PTPRD: variants seen among roughly 807,000 people sequenced by gnomAD.
PTPRD encodes the protein protein tyrosine phosphatase receptor type D.
PTPRD carries 34 observed loss-of-function variants against 214.5 expected under a neutral mutation model. The ratio of observed to expected loss-of-function variants is 0.16; its 90% CI spans 0.12 to 0.21. The LOEUF (loss-of-function observed/expected upper bound fraction) is 0.21. PTPRD is among the 10% of genes least tolerant of loss of function. The pLI, the probability that PTPRD is intolerant of heterozygous loss-of-function variation, is 1.00. For synonymous variants in PTPRD, 1,128 were observed against 845.7 expected (o/e 1.33, Z -5.79); for missense variants, 2,545 against 2,398.7 (o/e 1.06, Z -1.27).
chr9:8,875,421 A>AC (rs756864441), intron 11 of PTPRD, among the ~76,000 whole-genome samples: 3 of 152,182 alleles, frequency 2.0e-5, no homozygotes, highest in Non-Finnish European at 4.4e-5. Flanking sequence ...CCAGCTACAA[A>AC]CCAGGAAATT....
intron 9 of PTPRD, among the ~76,000 whole-genome samples, chr9:9,325,233 T>G (rs1383409152): frequency 1.3e-5 from 2 of 152,212 alleles, no homozygotes; most frequent in African/African-American, 4.8e-5. Context: ...GTGAAGAAAG[T>G]CCTTGGTAGC....
chr9:10,159,317 G>A (rs1193936974), intron 3 of PTPRD, among the ~76,000 whole-genome samples: 2 of 151,640 alleles, frequency 1.3e-5, no homozygotes, highest in South Asian at 4.2e-4. Flanking sequence ...AATATAGTCA[G>A]GAAAATATTG....
intron 5 of PTPRD, among the ~76,000 whole-genome samples, chr9:9,770,695 C>A (rs188199519): frequency 6.6e-6 from 1 of 152,092 alleles, no homozygotes; most frequent in Non-Finnish European, 1.5e-5. Context: ...AAAAAACAGG[C>A]CATGTTTGTT....
intron 8 of PTPRD, among the ~76,000 whole-genome samples, chr9:9,419,542 TAA>T (rs2142374772): frequency 6.6e-6 from 1 of 151,910 alleles, no homozygotes; most frequent in East Asian, 1.9e-4. Context: ...TGCTTAGAAG[TAA>T]ACAGTTTAAG....
chr9:9,441,461 T>C (rs980197312), intron 8 of PTPRD, among the ~76,000 whole-genome samples: 10 of 152,188 alleles, frequency 6.6e-5, no homozygotes, highest in African/African-American at 2.4e-4. Flanking sequence ...GTGGAAAGTA[T>C]TTGAGTTCAG....
intron 5 of PTPRD, among the ~76,000 whole-genome samples, chr9:9,834,541 G>T (rs931120283): frequency 1.3e-5 from 2 of 151,936 alleles, no homozygotes; most frequent in Non-Finnish European, 1.5e-5. Context: ...TCCTAAGTAT[G>T]CATTTGGAAA....
intron 10 of PTPRD, among the ~76,000 whole-genome samples, chr9:9,069,583 T>C (rs1240208898): frequency 1.3e-5 from 2 of 152,202 alleles, no homozygotes; most frequent in Non-Finnish European, 2.9e-5. Context: ...GCTCCAGCCT[T>C]GTATTGAGGC....
chr9:9,364,982 T>G (rs574463596), intron 9 of PTPRD, among the ~76,000 whole-genome samples: 1 of 151,544 alleles, frequency 6.6e-6, no homozygotes, highest in East Asian at 2.0e-4. Flanking sequence ...ACATTGAGAT[T>G]GTACATCTCA....
In PTPRD at chr9:8,521,306, A is replaced by C; in HGVS notation, c.932T>G (p.Ile311Ser). ...TCVAMSTLGVIEAIAQITVKA... is the reference protein window; with the variant it reads ...TCVAMSTLGVSEAIAQITVKA... ...GACAGTGATCTGTGCTATTGCTTCA[A>C]TGACACCCAGTGTTGACATAGCAAC... is the stretch of plus-strand genomic sequence containing the variant. Residue 311 changes from isoleucine to serine, a missense_variant, in exon 20 of 46, where the codon ATT (isoleucine) becomes AGT (serine). Transcript: ENST00000381196. 6.2e-7 allele frequency: 1 copy of C among 1,613,816 alleles called. No homozygotes were observed. Among genetic ancestry groups the C allele is most frequent in the South Asian group, 1.1e-5 (1 of 91,070 alleles).
At chr9:8,709,349 C>G (rs547577655) in intron 12 of PTPRD, among the ~76,000 whole-genome samples, 1 of 151,696 alleles carries the variant, frequency 6.6e-6, no homozygotes, top group Non-Finnish European at 1.5e-5. Context: ...CCTGTCTCTA[C>G]TAAAAAATAC....
At chr9:8,620,218 GC>G (rs2095772321) in intron 14 of PTPRD, among the ~76,000 whole-genome samples, 1 of 151,960 alleles carries the variant, frequency 6.6e-6, no homozygotes, top group South Asian at 2.1e-4. Flanking sequence ...ACCTGAGCAA[GC>G]AAATAGAGGT....
rs895078293 is a variant in PTPRD at position 9,057,167 on chromosome 9, C to G, written c.-142-38432G>C. 2.0e-5 allele frequency among the ~76,000 whole-genome samples: 3 copies of G among 152,106 alleles called. No homozygotes were observed. The East Asian group carries it at 5.8e-4, about 29-fold the overall frequency. On this transcript the variant is annotated intron_variant, in intron 10 of 45. Transcript: ENST00000381196. Reference sequence around the variant, plus strand: ...TGCAGGAAACAGAAGATCACCTTCTCTAATATATAAAGATTATTTTTCACT... The same window carrying G: ...TGCAGGAAACAGAAGATCACCTTCTGTAATATATAAAGATTATTTTTCACT...
chr9:9,003,569 G>A (rs2099434034), intron 11 of PTPRD, among the ~76,000 whole-genome samples: 1 of 152,000 alleles, frequency 6.6e-6, no homozygotes, highest in Non-Finnish European at 1.5e-5. Flanking sequence ...CATTTTGGAT[G>A]TCCTAATTTA....
In PTPRD at chr9:9,079,081, A is replaced by G. The variant is rs191163663; in HGVS notation, c.-142-60346T>C. Among the ~76,000 whole-genome samples the G allele has an allele frequency of 3.9e-5, 6 of 152,144 alleles. No homozygotes were observed. In the East Asian group the frequency reaches 9.7e-4, roughly 25 times the overall value. ...TGGTAATGTTCAGTATTCTCCTTCT[A>G]GTTATTTGAAACTATATATTACTGT... is the stretch of plus-strand genomic sequence containing the variant. On this transcript the variant is annotated intron_variant, in intron 10 of 45. Coordinates refer to ENST00000381196, the MANE Select transcript of PTPRD (RefSeq NM_002839.4).
intron 3 of PTPRD, among the ~76,000 whole-genome samples, chr9:10,325,242 C>G (rs932646064): frequency 6.6e-6 from 1 of 151,942 alleles, no homozygotes; most frequent in African/African-American, 2.4e-5. Context: ...GACAAGCACA[C>G]AGGAAATGCT....
In PTPRD at chr9:9,070,769, C is replaced by T. The variant is rs536597267; in HGVS notation, c.-142-52034G>A. Among the ~76,000 whole-genome samples the T allele has an allele frequency of 7.6e-4, 115 of 152,264 alleles. 1 individual carries two copies. Among genetic ancestry groups the T allele is most frequent in the South Asian group, 1.7e-3 (8 of 4,826 alleles). On this transcript the variant is annotated intron_variant, in intron 10 of 45. Transcript: ENST00000381196. ...TAATAATTTTTTAGTTCAGGATTTA[C>T]ATTTATCACACTTTATAAGTAAAAC...
chr9:8,787,859 T>C (rs192300384), intron 11 of PTPRD, among the ~76,000 whole-genome samples: 1 of 151,872 alleles, frequency 6.6e-6, no homozygotes, highest in African/African-American at 2.4e-5. Context: ...TGATGGATAA[T>C]CTTGCTTACT....
intron 2 of PTPRD, among the ~76,000 whole-genome samples, chr9:10,373,938 A>G (rs2097679312): frequency 6.6e-6 from 1 of 152,072 alleles, no homozygotes; most frequent in Non-Finnish European, 1.5e-5. Flanking sequence ...TAGGTTGTTG[A>G]GTTCACATCA....
chr9:10,570,955 G>C (rs960469532), intron 2 of PTPRD, among the ~76,000 whole-genome samples: 17 of 151,070 alleles, frequency 1.1e-4, no homozygotes, highest in Admixed American at 1.1e-3. Context: ...TTAGGCGATA[G>C]AAATGAAGGC....
Sources: allele counts gnomAD v4.1 joint callset (sites outside exome capture counted in the v4.1 genomes callset), GRCh38; gene constraint gnomAD v4.1.1; transcripts MANE v1.5; gene names NCBI Gene and HGNC (gene_info 2026-07-23, HGNC 2026-07-21).